ADGRF1: variants seen among roughly 807,000 people sequenced by gnomAD.
ADGRF1 encodes adhesion G protein-coupled receptor F1.
In ADGRF1, 85 loss-of-function variants were observed where a neutral mutation model predicts 87.2. That is an observed-to-expected ratio of 0.97 (90% confidence interval 0.82 to 1.17). The LOEUF (loss-of-function observed/expected upper bound fraction) is 1.17. Ranked by LOEUF, ADGRF1 falls within the 50% of genes most tolerant of loss-of-function variation. The probability of loss-of-function intolerance (pLI) is 0.00; values close to 1 mark genes in which losing one functional copy is unlikely to be tolerated. For missense variants in ADGRF1, 1,169 were observed against 1,077.2 expected (o/e 1.09, Z -1.19); for synonymous variants, 430 against 408.8 (o/e 1.05, Z -0.63).
Position 47,009,123 on chromosome 6 carries a change from C to T in ADGRF1, c.2312G>A (p.Arg771Lys). The T allele has an allele frequency of 6.2e-7, 1 of 1,614,126 alleles. No individual in the cohort carries two copies. The highest frequency in any genetic ancestry group is 1.1e-5 in the South Asian group (1 of 91,078). ...VVLLVLTKLW[R>K]PTVGERLSRD... ...ACTCAGTCTTTCCCCAACAGTCGGC[C>T]TCCAGAGCTTTGTGAGAACTAGCAG... The change falls in exon 11 of 15, where the codon AGG (arginine) becomes AAG (lysine). Residue 771 changes from arginine to lysine, a missense_variant. Physicochemically the swap from Arg to Lys is conservative, Grantham distance 26 (BLOSUM62 2). Coordinates refer to ENST00000371253, the MANE Select transcript of ADGRF1 (RefSeq NM_153840.4).
At chr6:47,021,813 T>G in intron 6 of ADGRF1, 145 bp downstream of exon 6, 2 of 567,216 alleles carry the variant, frequency 3.5e-6, no homozygotes, top group Non-Finnish European at 6.2e-6. Context: ...GAATTTCAAC[T>G]GTGGGCAGAG....
At chr6:47,020,305 C>T (rs1006685491) in intron 7 of ADGRF1, 12 of 998,916 alleles carry the variant, frequency 1.2e-5, no homozygotes, top group Non-Finnish European at 1.6e-5. Context: ...CCAGTGTGGC[C>T]AACATGGTGA....
rs187807937 is a variant in ADGRF1 at position 47,018,705 on chromosome 6, A to C, written c.612-1937T>G. 8.4e-4 allele frequency: 525 copies of C among 622,840 alleles called. 2 individuals carry two copies. In the African/African-American group the frequency reaches 9.1e-3, roughly 11 times the overall value. The allele number at this position is 622,840 out of a possible 1,614,324, so 38.6% of individuals were successfully genotyped here. ...GGTGTGTGGGTCATTTGAGGCCAGGAGTTCAAGACCAGACTGGTCAACATG... is the reference window on the plus strand; with the variant it reads ...GGTGTGTGGGTCATTTGAGGCCAGGCGTTCAAGACCAGACTGGTCAACATG... On this transcript the variant is annotated intron_variant, in intron 7 of 14. Transcript: ENST00000371253.
intron 7 of ADGRF1, chr6:47,017,397 A>G (rs1456956607): frequency 6.6e-6 from 1 of 152,244 alleles, no homozygotes; most frequent in Non-Finnish European, 1.5e-5. Context: ...GAAGCAAGCA[A>G]GGTACAGGGA....
chr6:47,039,848 G>A (rs1321131041), intron 1 of ADGRF1, among the ~76,000 whole-genome samples: 1 of 152,128 alleles, frequency 6.6e-6, no homozygotes, highest in Non-Finnish European at 1.5e-5. Context: ...TGTAATCCCA[G>A]CTACTCAGGA....
chr6:47,016,973 T>G, intron 7 of ADGRF1: 3 of 411,612 alleles, frequency 7.3e-6, no homozygotes, highest in African/African-American at 2.1e-5. Context: ...TATAAATACA[T>G]CTGTATATAT....
chr6:47,025,652 T>C (rs1187394878), intron 4 of ADGRF1, among the ~76,000 whole-genome samples: 1 of 152,220 alleles, frequency 6.6e-6, no homozygotes, highest in Non-Finnish European at 1.5e-5. Context: ...TAGGGTCTGA[T>C]ACATCACTGG....
intron 1 of ADGRF1, among the ~76,000 whole-genome samples, chr6:47,040,757 A>G (rs1368151218): frequency 1.3e-5 from 2 of 152,136 alleles, no homozygotes; most frequent in Non-Finnish European, 2.9e-5. Flanking sequence ...AAAATCATTT[A>G]TTTATATCCA....
intron 1 of ADGRF1, 49 bp from the exon 2 acceptor site, chr6:47,029,153 T>G: frequency 9.5e-7 from 1 of 1,054,140 alleles, no homozygotes; most frequent in Non-Finnish European, 1.5e-6. Flanking sequence ...AACAAGAAAT[T>G]CAAGCCAAAA....
At chr6:47,031,349 CTG>C (rs1342376794) in intron 1 of ADGRF1, among the ~76,000 whole-genome samples, 1,614 of 115,544 alleles carry the variant, frequency 0.014, 24 homozygotes, top group African/African-American at 0.05. Flanking sequence ...CTCTCTCTCT[CTG>C]TCTCTCTCTC....
intron 9 of ADGRF1, chr6:47,013,198 T>A (rs1372309911): frequency 1.2e-5 from 12 of 985,428 alleles, no homozygotes; most frequent in Middle Eastern, 5.2e-4. Flanking sequence ...GGCGCCCAAG[T>A]GCCCGCCATT....
At chr6:47,025,140 G>A (rs945575808) in intron 4 of ADGRF1, among the ~76,000 whole-genome samples, 1 of 152,126 alleles carries the variant, frequency 6.6e-6, no homozygotes, top group Non-Finnish European at 1.5e-5. Context: ...TCCCACCGAA[G>A]TCGTCTTTTT....
At chr6:47,015,369 G>C (rs1229784676) in intron 8 of ADGRF1, among the ~76,000 whole-genome samples, 2 of 151,866 alleles carry the variant, frequency 1.3e-5, no homozygotes, top group Non-Finnish European at 2.9e-5. Flanking sequence ...ATCATGATTG[G>C]AACTAGGAGA....
At chr6:47,033,710 G>A (rs1031778964) in intron 1 of ADGRF1, among the ~76,000 whole-genome samples, 1 of 152,242 alleles carries the variant, frequency 6.6e-6, no homozygotes, top group African/African-American at 2.4e-5. Context: ...CCTTGGTTTT[G>A]CTTTATCTCT....
chr6:47,009,268 GT>G lies in ADGRF1; in HGVS notation c.2166del (p.Gln722HisfsTer36). On this transcript the variant is annotated frameshift_variant, in exon 11 of 15. Transcript: ENST00000371253. LOFTEE classifies it high-confidence loss of function. Reference protein sequence around the residue: ...IISVITIAVTQPSNTYKRKDV... With the variant: ...IISVITIAVTXPSNTYKRKDV... The stretch of plus-strand genomic sequence containing the variant: ...TCTTTCCTTTTGTAGGTATTGCTAG[GT>G]TGCGTGACAGCAATGGTAATGACAG... 1.2e-6 allele frequency: 2 copies of G among 1,614,134 alleles called. No homozygotes were observed. Among genetic ancestry groups the G allele is most frequent in the Non-Finnish European group, 1.7e-6 (2 of 1,180,012 alleles).
chr6:47,006,401 A>G (rs971245898), intron 12 of ADGRF1, among the ~76,000 whole-genome samples: 4 of 152,174 alleles, frequency 2.6e-5, no homozygotes, highest in African/African-American at 9.6e-5. Flanking sequence ...TTTATGAAAC[A>G]AGTATATTTA....
chr6:47,029,358 G>GTT (rs552235976), intron 1 of ADGRF1, among the ~76,000 whole-genome samples: 1 of 146,004 alleles, frequency 6.8e-6, no homozygotes, highest in African/African-American at 2.5e-5. Context: ...CTAAACACAG[G>GTT]TTTTTTTTTT....
rs953755992 is a variant in ADGRF1 at position 46,999,573 on chromosome 6, G to A, written c.*649C>T. The A allele has an allele frequency of 6.6e-6, 1 of 152,158 alleles. No individual in the cohort carries two copies. Among genetic ancestry groups the A allele is most frequent in the Non-Finnish European group, 1.5e-5 (1 of 68,058 alleles). The allele number at this position is 152,158 out of a possible 1,614,324, so 9.4% of individuals were successfully genotyped here. On this transcript the variant is annotated 3_prime_UTR_variant, in exon 15 of 15. Coordinates refer to ENST00000371253, the MANE Select transcript of ADGRF1 (RefSeq NM_153840.4). The stretch of plus-strand genomic sequence containing the variant: ...GTTTAGGACCAGATGGAAGTGCCTT[G>A]TAAACTGAAAAATACCACATTATAT...
intron 13 of ADGRF1, among the ~76,000 whole-genome samples, chr6:47,004,262 G>T (rs551127155): frequency 1.3e-5 from 2 of 152,094 alleles, no homozygotes; most frequent in Non-Finnish European, 2.9e-5. Flanking sequence ...TGGGGTCCTT[G>T]GGGTCCTGCT....
Sources: gnomAD v4.1 joint callset for allele counts (sites outside exome capture counted in the v4.1 genomes callset) on GRCh38, gnomAD v4.1.1 for gene constraint, MANE v1.5 for transcripts, NCBI Gene and HGNC (gene_info 2026-07-23, HGNC 2026-07-21) for gene names.